The following NAALADL2 variants were observed in gnomAD, a reference collection of about 807,000 sequenced individuals.
The protein encoded by NAALADL2 is N-acetylated alpha-linked acidic dipeptidase like 2, also known as inactive N-acetylated-alpha-linked acidic dipeptidase-like protein 2.
Under a neutral mutation model 87.2 loss-of-function variants are expected in NAALADL2, and 76 were observed. The observed-to-expected ratio is 0.87, with a 90% CI of 0.72 to 1.05. The LOEUF (loss-of-function observed/expected upper bound fraction) is 1.05. Ranked by LOEUF, NAALADL2 falls within the 50% of genes least tolerant of loss-of-function variation. The pLI is 0.00. For missense variants in NAALADL2, 1,089 were observed against 945.8 expected (o/e 1.15, Z -1.99); for synonymous variants, 354 against 331.0 (o/e 1.07, Z -0.75).
At chr3:175,436,244 C>G (rs1300037413) in intron 5 of NAALADL2, among the ~76,000 whole-genome samples, 4 of 143,848 alleles carry the variant, frequency 2.8e-5, no homozygotes, top group Admixed American at 1.4e-4. Context: ...TTAATCCAGT[C>G]TATCATTGTT....
At chr3:174,602,182 G>T (rs1365856754) in intron 2 of NAALADL2, among the ~76,000 whole-genome samples, 1 of 151,948 alleles carries the variant, frequency 6.6e-6, no homozygotes, top group African/African-American at 2.4e-5. Flanking sequence ...TTTTGAAAGG[G>T]GTTGCATTAA....
intron 1 of NAALADL2, among the ~76,000 whole-genome samples, chr3:174,465,488 T>C (rs961126007): frequency 6.6e-6 from 1 of 152,230 alleles, no homozygotes; most frequent in African/African-American, 2.4e-5. Flanking sequence ...CCAAATTTGT[T>C]ATATAAATCA....
intron 4 of NAALADL2, among the ~76,000 whole-genome samples, chr3:175,313,934 C>T (rs576881761): frequency 2.9e-4 from 44 of 151,744 alleles, no homozygotes; most frequent in Middle Eastern, 3.4e-3. Context: ...TGGTGGTGCG[C>T]GCCTGTAGTC....
rs1732133383 is a variant in NAALADL2 at position 175,660,706 on chromosome 3, C to T, written c.1896+33320C>T. ...CTGGTAACCACCATCCTATGCTCTA[C>T]CTCTGTAAGACTCACCTTTATAGCT... is the stretch of plus-strand genomic sequence containing the variant. On this transcript the variant is annotated intron_variant, in intron 11 of 13. Transcript: ENST00000454872. Among the ~76,000 whole-genome samples, 3 of 152,006 alleles carry T rather than the reference C, an allele frequency of 2.0e-5. 1 individual carries two copies. The South Asian group carries it at 6.2e-4, about 32-fold the overall frequency.
intron 5 of NAALADL2, among the ~76,000 whole-genome samples, chr3:175,424,843 A>G (rs1019700946): frequency 6.6e-6 from 1 of 152,160 alleles, no homozygotes; most frequent in South Asian, 2.1e-4. Context: ...TCTGGGTGGC[A>G]TATAATAACA....
At chr3:175,145,377 C>T (rs1168386019) in intron 2 of NAALADL2, among the ~76,000 whole-genome samples, 2 of 152,098 alleles carry the variant, frequency 1.3e-5, no homozygotes, top group African/African-American at 4.8e-5. Context: ...GGCAGTAGCA[C>T]TCAATAAACC....
intron 2 of NAALADL2, among the ~76,000 whole-genome samples, chr3:175,152,885 C>T (rs533349504): frequency 6.6e-5 from 10 of 151,470 alleles, no homozygotes; most frequent in South Asian, 2.1e-4. Context: ...CCAGTCTGGG[C>T]GACAGAGTGA....
rs370619586 is a variant in NAALADL2, at chr3:175,300,431, T to G, written c.940-23744T>G. On this transcript the variant is annotated intron_variant, in intron 4 of 13. Transcript: ENST00000454872. Reference sequence around the variant, plus strand: ...ATCCATCTGGTCTTGGGCTTTTTTTTGGTTTGTAGGATAATTACTGCCTCA... The same window carrying G: ...ATCCATCTGGTCTTGGGCTTTTTTTGGGTTTGTAGGATAATTACTGCCTCA... Among the ~76,000 whole-genome samples the G allele has an allele frequency of 1.7e-4, 26 of 152,302 alleles. No homozygotes were observed. In the South Asian group the frequency reaches 4.8e-3, roughly 28 times the overall value.
chr3:174,508,534 A>G (rs1436655267), intron 1 of NAALADL2, among the ~76,000 whole-genome samples: 1 of 152,220 alleles, frequency 6.6e-6, no homozygotes, highest in Admixed American at 6.5e-5. Context: ...TTTAATTTCG[A>G]TTTTGTTGGT....
intron 11 of NAALADL2, among the ~76,000 whole-genome samples, chr3:175,694,505 G>T (rs1275282672): frequency 3.1e-4 from 47 of 152,078 alleles, no homozygotes; most frequent in Admixed American, 2.8e-3. Flanking sequence ...TACAGACTTT[G>T]GTTGCTCATT....
intron 11 of NAALADL2, among the ~76,000 whole-genome samples, chr3:175,643,503 G>A (rs946414934): frequency 9.9e-5 from 15 of 152,156 alleles, no homozygotes; most frequent in African/African-American, 2.4e-4. Flanking sequence ...CACCTACTTC[G>A]CAAAGGAAGA....
chr3:174,687,349 T>C (rs492004), intron 2 of NAALADL2, among the ~76,000 whole-genome samples: 113,544 of 151,998 alleles, frequency 0.75, 42,627 homozygotes, highest in East Asian at 0.89. Context: ...CCCAATGCAC[T>C]CTATCCCTCT....
intron 1 of NAALADL2, among the ~76,000 whole-genome samples, chr3:174,941,613 A>G (rs1738602676): frequency 6.6e-6 from 1 of 151,898 alleles, no homozygotes; most frequent in South Asian, 2.1e-4. Context: ...ATTTCTTATC[A>G]TTATTTTGTG....
At chr3:175,055,711 A>G (rs182951676) in intron 1 of NAALADL2, among the ~76,000 whole-genome samples, 85 of 152,134 alleles carry the variant, frequency 5.6e-4, no homozygotes, top group Non-Finnish European at 9.6e-4. Context: ...GCGGTTTTCT[A>G]TTTTCCCCTA....
intron 1 of NAALADL2, among the ~76,000 whole-genome samples, chr3:174,912,448 A>C (rs942388363): frequency 3.9e-5 from 6 of 152,142 alleles, no homozygotes. Flanking sequence ...TCGTCAGTAC[A>C]TGGACACCCT....
intron 5 of NAALADL2, among the ~76,000 whole-genome samples, chr3:175,388,936 T>C (rs1253667264): frequency 6.6e-6 from 1 of 152,112 alleles, no homozygotes; most frequent in Non-Finnish European, 1.5e-5. Flanking sequence ...CACAAATTGT[T>C]CTTTTATAGA....
intron 1 of NAALADL2, among the ~76,000 whole-genome samples, chr3:174,501,863 T>C (rs80247943): frequency 0.032 from 4,794 of 152,176 alleles, 242 homozygotes; most frequent in African/African-American, 0.11. Flanking sequence ...TTTGATATCA[T>C]TGAATTTTCC....
chr3:175,562,274 A>C (rs540409807), intron 9 of NAALADL2, among the ~76,000 whole-genome samples: 2 of 152,298 alleles, frequency 1.3e-5, no homozygotes, highest in East Asian at 3.9e-4. Flanking sequence ...TAGCAATGAT[A>C]GCTTTAAAAC....
rs113648294 is a variant in NAALADL2 at position 175,534,653 on chromosome 3, C to CTT, written c.1654-41377_1654-41376dup. Among the ~76,000 whole-genome samples, 505 of 145,464 alleles carry CTT rather than the reference C, an allele frequency of 3.5e-3. 5 individuals are homozygous for CTT. Among genetic ancestry groups the CTT allele is most frequent in the Middle Eastern group, 0.015 (4 of 272 alleles). The stretch of plus-strand genomic sequence containing the variant: ...CTTCCACTTGCATTTATATTGTCAG[C>CTT]TTTTTTTTTTTTCTTTCCAATTAAC... On this transcript the variant is annotated intron_variant, in intron 9 of 13. Transcript: ENST00000454872.
Sources: gnomAD v4.1 joint callset for allele counts (sites outside exome capture counted in the v4.1 genomes callset) on GRCh38, gnomAD v4.1.1 for gene constraint, MANE v1.5 for transcripts, NCBI Gene and HGNC (gene_info 2026-07-23, HGNC 2026-07-21) for gene names.